The following MYRFL variants were observed in gnomAD, a reference collection of about 807,000 sequenced individuals.
MYRFL encodes myelin regulatory factor like, also known as myelin regulatory factor-like protein.
Under a neutral mutation model 109.4 loss-of-function variants are expected in MYRFL, and 88 were observed. The observed-to-expected ratio is 0.80, with a 90% confidence interval of 0.68 to 0.96. The LOEUF (loss-of-function observed/expected upper bound fraction) is 0.96. Ranked by LOEUF, MYRFL falls within the 40% of genes least tolerant of loss-of-function variation. The probability of loss-of-function intolerance (pLI) is 0.00; values close to 1 mark genes in which losing one functional copy is unlikely to be tolerated. For missense variants in MYRFL, 957 were observed against 954.9 expected, an observed-to-expected ratio of 1.00 and a Z score of -0.03; for synonymous variants, 324 against 320.9, an observed-to-expected ratio of 1.01 and a Z score of -0.10.
chr12:69,891,386 C>T (rs1886790481), intron 7 of MYRFL, among the ~76,000 whole-genome samples: 1 of 152,210 alleles, frequency 6.6e-6, no homozygotes, highest in South Asian at 2.1e-4. Context: ...AAGAAGCACT[C>T]AGATGCCTGT....
At chr12:69,830,468 GAT>G (rs1187480155) in intron 1 of MYRFL, among the ~76,000 whole-genome samples, 4 of 147,268 alleles carry the variant, frequency 2.7e-5, no homozygotes, top group African/African-American at 9.8e-5. Context: ...CATTTATATA[GAT>G]ATATAGAGAT....
At chr12:69,878,242 C>CAAAAAAAAAAAAAAAAAAA (rs60069243) in intron 2 of MYRFL, among the ~76,000 whole-genome samples, 2 of 112,712 alleles carry the variant, frequency 1.8e-5, no homozygotes, top group Admixed American at 9.7e-5. Flanking sequence ...GACTCCATCT[C>CAAAAAAAAAAAAAAAAAAA]AAAAAAAAAA....
intron 5 of MYRFL, among the ~76,000 whole-genome samples, chr12:69,884,170 A>T (rs1886309553): frequency 6.6e-6 from 1 of 152,238 alleles, no homozygotes; most frequent in African/African-American, 2.4e-5. Flanking sequence ...GAACAAAAGG[A>T]TTCTTACCTG....
intron 13 of MYRFL, among the ~76,000 whole-genome samples, chr12:69,911,175 C>T (rs1203173514): frequency 6.6e-6 from 1 of 152,184 alleles, no homozygotes; most frequent in Non-Finnish European, 1.5e-5. Context: ...AATTCGAGTT[C>T]AGCAGATCTT....
chr12:69,954,397 A>C (rs1956052499), intron 21 of MYRFL, among the ~76,000 whole-genome samples: 1 of 152,248 alleles, frequency 6.6e-6, no homozygotes, highest in African/African-American at 2.4e-5. Flanking sequence ...CTATTTTAAA[A>C]AGTACATTGA....
At chr12:69,901,352 A>G (rs2136344404) in intron 10 of MYRFL, among the ~76,000 whole-genome samples, 1 of 152,364 alleles carries the variant, frequency 6.6e-6, no homozygotes, top group South Asian at 2.1e-4. Flanking sequence ...ATAAGTTCAC[A>G]GATCTTATGA....
chr12:69,902,030 G>C (rs888546367), intron 10 of MYRFL, among the ~76,000 whole-genome samples: 6 of 151,896 alleles, frequency 4.0e-5, no homozygotes, highest in Non-Finnish European at 8.8e-5. Context: ...AGTAGCTGGG[G>C]CTATAGGAAC....
chr12:69,950,365 T>C (rs1051328803), intron 19 of MYRFL, among the ~76,000 whole-genome samples: 4 of 152,206 alleles, frequency 2.6e-5, no homozygotes, highest in Middle Eastern at 3.2e-3. Flanking sequence ...GCCGTGGTGC[T>C]ACCTGGACTC....
intron 1 of MYRFL, among the ~76,000 whole-genome samples, chr12:69,831,005 G>C (rs1882597621): frequency 6.6e-6 from 1 of 151,974 alleles, no homozygotes; most frequent in South Asian, 2.1e-4. Context: ...GGACAATTGT[G>C]GATAATATAG....
intron 1 of MYRFL, among the ~76,000 whole-genome samples, chr12:69,848,134 G>C (rs1308222643): frequency 2.0e-5 from 3 of 151,914 alleles, no homozygotes; most frequent in Admixed American, 2.0e-4. Context: ...TCATAAGTAT[G>C]TTTGGGTTTA....
chr12:69,899,948 C>G (rs1566010234), intron 10 of MYRFL, among the ~76,000 whole-genome samples: 1 of 152,174 alleles, frequency 6.6e-6, no homozygotes, highest in Non-Finnish European at 1.5e-5. Context: ...TCAGTTTCCC[C>G]TTGTTAATGA....
intron 11 of MYRFL, among the ~76,000 whole-genome samples, chr12:69,909,475 G>C (rs966362207): frequency 5.9e-5 from 9 of 152,060 alleles, no homozygotes; most frequent in Admixed American, 2.6e-4. Flanking sequence ...GTATTTATTT[G>C]TAATTCTATT....
intron 1 of MYRFL, among the ~76,000 whole-genome samples, chr12:69,851,867 G>C (rs1883895968): frequency 6.6e-6 from 1 of 152,100 alleles, no homozygotes; most frequent in African/African-American, 2.4e-5. Flanking sequence ...TCGCTACGTT[G>C]CCCAGGCTGG....
At chr12:69,860,182 T>C (rs141243943) in intron 2 of MYRFL, among the ~76,000 whole-genome samples, 2 of 152,310 alleles carry the variant, frequency 1.3e-5, no homozygotes, top group African/African-American at 4.8e-5. Flanking sequence ...CTCCCACTTA[T>C]AAGTGAGAAT....
intron 2 of MYRFL, among the ~76,000 whole-genome samples, chr12:69,858,753 G>C (rs1884451538): frequency 2.6e-5 from 4 of 151,648 alleles, no homozygotes; most frequent in Admixed American, 1.3e-4. Flanking sequence ...AATCAATGTG[G>C]ACGTTTATCA....
At chr12:69,923,972 G>A (rs920126063) in intron 13 of MYRFL, among the ~76,000 whole-genome samples, 5 of 151,982 alleles carry the variant, frequency 3.3e-5, no homozygotes, top group Admixed American at 2.0e-4. Flanking sequence ...GGTGGATCAC[G>A]AGGTCAGGAG....
chr12:69,846,255 G>T (rs11833321), intron 1 of MYRFL, among the ~76,000 whole-genome samples: 47,988 of 150,132 alleles, frequency 0.32, 7,916 homozygotes, highest in Admixed American at 0.38. Flanking sequence ...TAGTTACATA[G>T]GTATACATGT....
chr12:69,844,658 ACT>A (rs1042820100), intron 1 of MYRFL, among the ~76,000 whole-genome samples: 14 of 152,038 alleles, frequency 9.2e-5, no homozygotes, highest in African/African-American at 2.9e-4. Context: ...AAGCTGTGTG[ACT>A]CTGGGCAAGC....
chr12:69,870,337 C>T (rs892022188), intron 2 of MYRFL, among the ~76,000 whole-genome samples: 1 of 151,482 alleles, frequency 6.6e-6, no homozygotes, highest in Non-Finnish European at 1.5e-5. Flanking sequence ...CTCGGCCTCC[C>T]GAATCTCTTG....
Sources: allele counts gnomAD v4.1 joint callset (sites outside exome capture counted in the v4.1 genomes callset), GRCh38; gene constraint gnomAD v4.1.1; transcripts MANE v1.5; gene names NCBI Gene and HGNC (gene_info 2026-07-23, HGNC 2026-07-21).